Variants in MSRA observed in about 807,000 individuals in gnomAD.
The protein encoded by MSRA is methionine sulfoxide reductase A, also known as mitochondrial peptide methionine sulfoxide reductase.
In MSRA, 54 loss-of-function variants were observed where a neutral mutation model predicts 31.3. That is an observed-to-expected ratio of 1.73 (90% CI 1.39 to 2.17). MSRA has a LOEUF of 2.17. Among genes scored for constraint, MSRA ranks in the 30% most tolerant of loss-of-function variants. The pLI, the probability that MSRA is intolerant of heterozygous loss-of-function variation, is 0.00. For synonymous variants in MSRA, 169 were observed against 116.5 expected (o/e 1.45, Z -2.90); for missense variants, 507 against 300.9 (o/e 1.69, Z -5.07).
chr8:10,332,715 C>A (rs1405718871), intron 5 of MSRA, among the ~76,000 whole-genome samples: 1 of 152,200 alleles, frequency 6.6e-6, no homozygotes, highest in East Asian at 1.9e-4. Flanking sequence ...TGCTAGACTC[C>A]CTGTGTATGA....
intron 5 of MSRA, among the ~76,000 whole-genome samples, chr8:10,329,355 A>G (rs535365442): frequency 1.3e-5 from 2 of 152,278 alleles, no homozygotes; most frequent in Non-Finnish European, 2.9e-5. Context: ...GGGTGCCACC[A>G]TGCATGGCCT....
intron 5 of MSRA, among the ~76,000 whole-genome samples, chr8:10,393,931 G>A (rs770516514): frequency 3.9e-5 from 6 of 152,142 alleles, no homozygotes; most frequent in Non-Finnish European, 5.9e-5. Flanking sequence ...CTGCAGGCAC[G>A]GGATATTTGG....
intron 5 of MSRA, among the ~76,000 whole-genome samples, chr8:10,392,519 C>G (rs2129180235): frequency 6.6e-6 from 1 of 152,262 alleles, no homozygotes; most frequent in East Asian, 1.9e-4. Flanking sequence ...TCCCCTTCCT[C>G]TGTCTCTGGG....
At chr8:10,123,314 CA>C (rs1300314076) in intron 1 of MSRA, among the ~76,000 whole-genome samples, 19 of 152,180 alleles carry the variant, frequency 1.2e-4, no homozygotes, top group Admixed American at 1.0e-3. Flanking sequence ...TTGTTGGCTG[CA>C]TGTATGTTGT....
chr8:10,222,971 A>T (rs2129068550), intron 2 of MSRA, among the ~76,000 whole-genome samples: 1 of 152,346 alleles, frequency 6.6e-6, no homozygotes, highest in Admixed American at 6.5e-5. Flanking sequence ...TGTTCTCACC[A>T]CATAACAGTG....
intron 1 of MSRA, among the ~76,000 whole-genome samples, chr8:10,185,327 G>T (rs888072710): frequency 6.6e-6 from 1 of 152,146 alleles, no homozygotes; most frequent in Admixed American, 6.5e-5. Flanking sequence ...TCAGCAGCTG[G>T]AAGATGCTAC....
chr8:10,293,595 G>A (rs1800366537), intron 3 of MSRA, among the ~76,000 whole-genome samples: 1 of 152,200 alleles, frequency 6.6e-6, no homozygotes. Context: ...TGTGGTGACT[G>A]TTACTAGGGA....
intron 3 of MSRA, among the ~76,000 whole-genome samples, chr8:10,257,350 T>A (rs140719473): frequency 6.6e-6 from 1 of 152,212 alleles, no homozygotes; most frequent in African/African-American, 2.4e-5. Context: ...TCTCAATGCA[T>A]TGGACACTGA....
intron 1 of MSRA, among the ~76,000 whole-genome samples, chr8:10,067,433 G>T (rs2409633): frequency 0.012 from 1,887 of 152,224 alleles, 45 homozygotes; most frequent in Admixed American, 0.045. Flanking sequence ...ATAAATATGT[G>T]CATCACTTAC....
chr8:10,230,287 T>A (rs1037740236), intron 2 of MSRA, among the ~76,000 whole-genome samples: 1 of 152,224 alleles, frequency 6.6e-6, no homozygotes, highest in Non-Finnish European at 1.5e-5. Flanking sequence ...TTGTATCTGA[T>A]TGACATTCTG....
chr8:10,216,774 A>G (rs779475071), intron 2 of MSRA, among the ~76,000 whole-genome samples: 6 of 152,228 alleles, frequency 3.9e-5, no homozygotes, highest in Non-Finnish European at 5.9e-5. Flanking sequence ...CATTGTATCT[A>G]TAGACCACAT....
intron 5 of MSRA, among the ~76,000 whole-genome samples, chr8:10,395,181 C>T (rs944850789): frequency 2.0e-5 from 3 of 152,242 alleles, no homozygotes; most frequent in African/African-American, 7.2e-5. Flanking sequence ...CTTTGCAGAG[C>T]ATGGTCCTAT....
At chr8:10,345,337 T>A (rs1302378508) in intron 5 of MSRA, among the ~76,000 whole-genome samples, 2 of 152,150 alleles carry the variant, frequency 1.3e-5, no homozygotes, top group Non-Finnish European at 2.9e-5. Flanking sequence ...TTACTAAGCA[T>A]GTAAGGAGGG....
At chr8:10,203,461 A>G (rs1410268957) in intron 1 of MSRA, among the ~76,000 whole-genome samples, 2 of 152,220 alleles carry the variant, frequency 1.3e-5, no homozygotes, top group Non-Finnish European at 2.9e-5. Flanking sequence ...TATGTATATG[A>G]TGGTGGTCCC....
At chr8:10,301,710 A>G (rs763902921) in intron 4 of MSRA, 72 bp downstream of exon 4, 3 of 1,201,860 alleles carry the variant, frequency 2.5e-6, no homozygotes, top group Non-Finnish European at 3.6e-6. Flanking sequence ...TTTGAGCTGC[A>G]TGGAAGAGAT....
chr8:10,355,956 G>C (rs1297200223), intron 5 of MSRA, among the ~76,000 whole-genome samples: 1 of 151,858 alleles, frequency 6.6e-6, no homozygotes, highest in South Asian at 2.1e-4. Context: ...GATTGAGGAA[G>C]GGGTCTGTTC....
chr8:10,405,809 G>C (rs150131008), intron 5 of MSRA, among the ~76,000 whole-genome samples: 1,695 of 151,104 alleles, frequency 0.011, 35 homozygotes, highest in African/African-American at 0.039. Flanking sequence ...ACACATGCTC[G>C]CGTACACCCA....
chr8:10,219,402 C>A (rs543906998), intron 2 of MSRA, among the ~76,000 whole-genome samples: 1 of 152,300 alleles, frequency 6.6e-6, no homozygotes, highest in Non-Finnish European at 1.5e-5. Flanking sequence ...TACTGACCCA[C>A]TTCTTTTTTA....
chr8:10,150,176 C>T (rs1803539400), intron 1 of MSRA, among the ~76,000 whole-genome samples: 1 of 151,940 alleles, frequency 6.6e-6, no homozygotes, highest in Admixed American at 6.6e-5. Context: ...AGTACAGTGC[C>T]TCGTGGCTTC....
Sources: gnomAD v4.1 joint callset for allele counts (sites outside exome capture counted in the v4.1 genomes callset) on GRCh38, gnomAD v4.1.1 for gene constraint, MANE v1.5 for transcripts, NCBI Gene and HGNC (gene_info 2026-07-23, HGNC 2026-07-21) for gene names.